DNAH17: variants seen among roughly 807,000 people sequenced by gnomAD.
DNAH17 encodes the protein dynein axonemal heavy chain 17, also known as axonemal beta dynein heavy chain 17.
Under a neutral mutation model 485.6 loss-of-function variants are expected in DNAH17, and 376 were observed. The ratio of observed to expected loss-of-function variants is 0.77; its 90% confidence interval spans 0.71 to 0.84. The LOEUF is 0.84. Ranked by LOEUF, DNAH17 falls within the 40% of genes least tolerant of loss-of-function variation. DNAH17 has a pLI of 0.00. For missense variants in DNAH17, 6,370 were observed against 5,839.3 expected, an observed-to-expected ratio of 1.09 and a Z score of -2.96; for synonymous variants, 3,031 against 2,405.9, an observed-to-expected ratio of 1.26 and a Z score of -7.60.
At chr17:78,492,099 C>T (rs1186171409) in intron 42 of DNAH17, among the ~76,000 whole-genome samples, 1 of 152,112 alleles carries the variant, frequency 6.6e-6, no homozygotes, top group Non-Finnish European at 1.5e-5. Context: ...GTGCGGGGGA[C>T]AGGCTAGGCA....
chr17:78,552,642 G>A (rs1219550777), intron 15 of DNAH17, 55 bp downstream of exon 15: 3 of 1,268,292 alleles, frequency 2.4e-6, no homozygotes, highest in East Asian at 2.3e-5. Flanking sequence ...GACAGATGCT[G>A]GGCAGGTTGG....
intron 56 of DNAH17, among the ~76,000 whole-genome samples, chr17:78,465,827 CG>C (rs1422353762): frequency 1.3e-5 from 2 of 150,046 alleles, no homozygotes; most frequent in African/African-American, 5.0e-5. Context: ...GCCCCCCGCC[CG>C]GCCAGCCGCC....
rs771752094 is a variant in DNAH17 at position 78,466,773 on chromosome 17, C to G, written c.8822G>C (p.Arg2941Pro). The change falls in exon 56 of 81, where the codon CGA becomes CCA. Residue 2941 changes from arginine (R) to proline (P), a missense_variant. Coordinates refer to ENST00000389840, the MANE Select transcript of DNAH17 (RefSeq NM_173628.4). ...FSPVGSVLRV[R>P]ARKFPAVVNC... ...GACCACAGCTGGGAACTTTCTGGCTCGTACCCGCAGCACGGAGCCCACAGG... is the reference window on the plus strand; with the variant it reads ...GACCACAGCTGGGAACTTTCTGGCTGGTACCCGCAGCACGGAGCCCACAGG... The G allele has an allele frequency of 6.2e-6, 10 of 1,607,922 alleles. No individual in the cohort carries two copies. The highest frequency in any genetic ancestry group is 1.1e-5 in the South Asian group (1 of 90,060).
chr17:78,506,872 A>C, intron 29 of DNAH17, 26 bp from the exon 30 acceptor site: 1 of 1,613,706 alleles, frequency 6.2e-7, no homozygotes, highest in Non-Finnish European at 8.5e-7. Flanking sequence ...GAAGTAGAGG[A>C]GGCCGGTGAC....
chr17:78,426,006 G>A (rs1419645814), intron 79 of DNAH17, among the ~76,000 whole-genome samples: 13 of 152,228 alleles, frequency 8.5e-5, no homozygotes, highest in Admixed American at 8.5e-4. Context: ...CAAGTGATCT[G>A]CCTGCCTTGG....
chr17:78,463,167 A>C, intron 56 of DNAH17, 90 bp from the exon 57 acceptor site: 2 of 1,251,108 alleles, frequency 1.6e-6, no homozygotes, highest in Non-Finnish European at 2.3e-6. Flanking sequence ...GGCCCTGGAC[A>C]AGGTGCCCTG....
At chr17:78,567,552 G>T (rs150069671) in intron 9 of DNAH17, among the ~76,000 whole-genome samples, 5 of 152,210 alleles carry the variant, frequency 3.3e-5, no homozygotes, top group African/African-American at 1.2e-4. Context: ...GATTTCTGAT[G>T]CTCTTGCTAA....
chr17:78,424,499 A>T, intron 80 of DNAH17: 1 of 283,614 alleles, frequency 3.5e-6, no homozygotes, highest in Non-Finnish European at 6.7e-6. Context: ...CCTGATTCTT[A>T]ATGTGTAATG....
At chr17:78,514,503 CAAAAAAAAA>C (rs79884057) in intron 26 of DNAH17, among the ~76,000 whole-genome samples, 21,835 of 112,186 alleles carry the variant, frequency 0.19, 1,911 homozygotes, top group Middle Eastern at 0.26. Context: ...GACTCCGTCT[CAAAAAAAAA>C]AAAAAAAAAA....
In DNAH17 at chr17:78,493,921, G is replaced by A. The variant is rs1050432483; in HGVS notation, c.6408+115C>T. The A allele has an allele frequency of 2.1e-5, 29 of 1,399,846 alleles. 1 individual carries two copies. The South Asian group carries it at 4.0e-4, about 19-fold the overall frequency. 86.7% of individuals were successfully genotyped at this position (1,399,846 alleles called of 1,614,324 possible). ...ATGACTCAGGCCGGAGGGCTCCCAG[G>A]ATGTACTGGGTTGGGGTCTCCGGGG... On this transcript the variant is annotated intron_variant, in intron 41 of 80. Transcript: ENST00000389840.
At chr17:78,530,201 G>T in intron 21 of DNAH17, 142 bp downstream of exon 21, 3 of 937,902 alleles carry the variant, frequency 3.2e-6, no homozygotes, top group Non-Finnish European at 4.6e-6. Flanking sequence ...CGCTTGGTGG[G>T]GTAGTTGGCC....
chr17:78,441,031 C>T lies in DNAH17; in HGVS notation c.11677+20G>A. The T allele has an allele frequency of 1.9e-6, 3 of 1,560,568 alleles. No homozygotes were observed. Among genetic ancestry groups the T allele is most frequent in the Non-Finnish European group, 2.6e-6 (3 of 1,151,568 alleles). On this transcript the variant is annotated intron_variant, in intron 72 of 80. Coordinates refer to ENST00000389840, the MANE Select transcript of DNAH17 (RefSeq NM_173628.4). ...GACAATACTCCGTCTTTGAGAACATCACTTGCCTGCTACACTTACCCAGGG... is the reference window on the plus strand; with the variant it reads ...GACAATACTCCGTCTTTGAGAACATTACTTGCCTGCTACACTTACCCAGGG...
intron 25 of DNAH17, among the ~76,000 whole-genome samples, 200 bp downstream of exon 25, chr17:78,524,809 G>A (rs553905661): frequency 2.9e-4 from 44 of 152,326 alleles, no homozygotes; most frequent in Non-Finnish European, 5.0e-4. Flanking sequence ...CCCACATACA[G>A]AGAGAGGTGA....
chr17:78,535,263 C>T (rs561934612), intron 19 of DNAH17, among the ~76,000 whole-genome samples: 23 of 152,296 alleles, frequency 1.5e-4, no homozygotes, highest in African/African-American at 4.1e-4. Context: ...GCTAACCTAG[C>T]GTCTGCATAA....
In DNAH17 at chr17:78,476,629, T is replaced by C. The variant is rs767214246; in HGVS notation, c.8097A>G (p.Glu2699=). ...ERVYGDKMVD[E]KDQETLHRVT... ...CTCTATGCAATGTTTCCTGGTCTTT[T>C]TCGTCAACCATTTTGTCACCATACA... The change falls in exon 52 of 81, where the codon GAA becomes GAG. Residue 2699 remains glutamate (E), a synonymous_variant. Coordinates refer to ENST00000389840, the MANE Select transcript of DNAH17 (RefSeq NM_173628.4). 4 of 1,612,166 alleles carry C rather than the reference T, an allele frequency of 2.5e-6. No individual in the cohort carries two copies. Among genetic ancestry groups the C allele is most frequent in the Non-Finnish European group, 3.4e-6 (4 of 1,179,116 alleles).
rs917050353 is a variant in DNAH17 at position 78,571,895 on chromosome 17, G to T, written c.540-113C>A. The T allele has an allele frequency of 4.7e-6, 5 of 1,056,712 alleles. No individual in the cohort carries two copies. The East Asian group carries it at 1.3e-4, about 27-fold the overall frequency. 65.5% of individuals were successfully genotyped at this position (1,056,712 alleles called of 1,614,324 possible). On this transcript the variant is annotated intron_variant, in intron 3 of 80. Transcript: ENST00000389840. ...ATCCCAAACCACCAGCAGCAGCACC[G>T]TCTGGTCTCATGTCCCTGGTGCCTC...
chr17:78,525,049 T>G lies in DNAH17; in HGVS notation c.3824A>C (p.Glu1275Ala). The G allele has an allele frequency of 6.2e-7, 1 of 1,613,730 alleles. No individual in the cohort carries two copies. The highest frequency in any genetic ancestry group is 8.5e-7 in the Non-Finnish European group (1 of 1,179,808). The change falls in exon 25 of 81, where the codon GAG becomes GCG. Residue 1275 changes from glutamate (E) to alanine (A), a missense_variant. Transcript: ENST00000389840. ...CCAGAGCTCCTTCAGTAGGCGGACC[T>G]CCCGGTGGCAGGCCTTGAGCTGCTT... ...DYKQLKACHREVRLLKELWDM... is the reference protein window; with the variant it reads ...DYKQLKACHRAVRLLKELWDM...
At chr17:78,437,591 C>G in intron 74 of DNAH17, 50 bp downstream of exon 74, 1 of 1,484,440 alleles carries the variant, frequency 6.7e-7, no homozygotes, top group Non-Finnish European at 9.1e-7. Flanking sequence ...GGGATGGATG[C>G]CAGGCCGTGG....
rs1486967718 is a variant in DNAH17 at position 78,460,151 on chromosome 17, T to C, written c.9435+11A>G. The C allele has an allele frequency of 3.8e-6, 6 of 1,595,540 alleles. No individual in the cohort carries two copies. The African/African-American group carries it at 4.0e-5, about 11-fold the overall frequency. ...AGGCCAGGGGTCCCCTTTCTTTCCC[T>C]CCCCCTTTACCTTATTCAGAGTGTC... On this transcript the variant is annotated intron_variant, in intron 59 of 80. Coordinates refer to ENST00000389840, the MANE Select transcript of DNAH17 (RefSeq NM_173628.4).
Sources: allele counts gnomAD v4.1 joint callset (sites outside exome capture counted in the v4.1 genomes callset), GRCh38; gene constraint gnomAD v4.1.1; transcripts MANE v1.5; gene names NCBI Gene and HGNC (gene_info 2026-07-23, HGNC 2026-07-21).